Variants in EDNRB observed in about 807,000 individuals in gnomAD.
EDNRB encodes the protein endothelin receptor type B.
Under a neutral mutation model 46.4 loss-of-function variants are expected in EDNRB, and 18 were observed. The ratio of observed to expected loss-of-function variants is 0.39; its 90% CI spans 0.27 to 0.57. The LOEUF (loss-of-function observed/expected upper bound fraction) is 0.57, where lower values mean the gene tolerates loss of function less well. Among genes scored for constraint, EDNRB ranks in the 20% least tolerant of loss-of-function variants. The probability of loss-of-function intolerance (pLI) is 0.61; values close to 1 mark genes in which losing one functional copy is unlikely to be tolerated. For missense variants in EDNRB, 434 were observed against 537.5 expected, an observed-to-expected ratio of 0.81 and a Z score of 1.90; for synonymous variants, 213 against 204.9, an observed-to-expected ratio of 1.04 and a Z score of -0.34.
In EDNRB at chr13:77,917,916, T is replaced by G. The variant is rs12720164; in HGVS notation, c.483+175A>C. Reference sequence around the variant, plus strand: ...AATTTTATTCCAATGGTTACTGACTTTTATGAGTGGACAGAACCAAATGGA... The same window carrying G: ...AATTTTATTCCAATGGTTACTGACTGTTATGAGTGGACAGAACCAAATGGA... On this transcript the variant is annotated intron_variant, in intron 1 of 6. Transcript: ENST00000646607. Among the ~76,000 whole-genome samples, 1,957 of 152,156 alleles carry G rather than the reference T, an allele frequency of 0.013. 41 individuals carry two copies. The highest frequency in any genetic ancestry group is 0.017 in the Non-Finnish European group (1,139 of 67,994).
chr13:77,964,315 T>G (rs887581196), intron 1 of EDNRB, among the ~76,000 whole-genome samples: 1 of 152,158 alleles, frequency 6.6e-6, no homozygotes, highest in Non-Finnish European at 1.5e-5. Context: ...TAAAGACACA[T>G]GCTATAAAGA....
chr13:77,954,645 T>C (rs956845950), intron 1 of EDNRB, among the ~76,000 whole-genome samples: 2 of 152,008 alleles, frequency 1.3e-5, no homozygotes, highest in Admixed American at 1.3e-4. Context: ...TAGCTGGGAC[T>C]ACATGCATGT....
chr13:77,965,016 A>G (rs1881541247), intron 1 of EDNRB, among the ~76,000 whole-genome samples: 1 of 152,206 alleles, frequency 6.6e-6, no homozygotes, highest in Non-Finnish European at 1.5e-5. Flanking sequence ...TTATGTAAGC[A>G]TCATTTATAC....
chr13:77,925,565 G>A (rs1181786776), intron 1 of EDNRB, among the ~76,000 whole-genome samples: 2 of 152,230 alleles, frequency 1.3e-5, no homozygotes, highest in Non-Finnish European at 2.9e-5. Context: ...GAGCCTGCAG[G>A]TGCACAGAAG....
In EDNRB at chr13:77,898,011, C is replaced by T; in HGVS notation, c.*189G>A. The T allele has an allele frequency of 7.2e-7, 1 of 1,384,610 alleles. No individual in the cohort carries two copies. The highest frequency in any genetic ancestry group is 9.3e-7 in the Non-Finnish European group (1 of 1,070,106). 85.8% of individuals were successfully genotyped at this position (1,384,610 alleles called of 1,614,324 possible). A position where few individuals can be genotyped will look rare whatever the true frequency, so the allele number is the denominator to read the frequency against. On this transcript the variant is annotated 3_prime_UTR_variant, in exon 7 of 7. Transcript: ENST00000646607. ...GGCTTTCTTAATTCCCACTGATTTT[C>T]TTTCCATGCCGTAAACAGCTCATAA...
At chr13:77,971,176 C>T (rs1457779797) in intron 1 of EDNRB, among the ~76,000 whole-genome samples, 1 of 152,174 alleles carries the variant, frequency 6.6e-6, no homozygotes, top group Non-Finnish European at 1.5e-5. Context: ...TCTCTGATAC[C>T]AGAAGCAAGG....
intron 1 of EDNRB, among the ~76,000 whole-genome samples, chr13:77,974,943 G>A (rs1467907844): frequency 6.6e-6 from 1 of 152,056 alleles, no homozygotes. Context: ...CCTGACCCAT[G>A]CTTCTTTGAG....
intron 1 of EDNRB, among the ~76,000 whole-genome samples, chr13:77,964,549 G>T (rs1881523878): frequency 6.6e-6 from 1 of 152,126 alleles, no homozygotes; most frequent in Non-Finnish European, 1.5e-5. Context: ...AACACCGCAT[G>T]TTCTCACTCA....
At chr13:77,971,582 AG>A (rs1193567755) in intron 1 of EDNRB, among the ~76,000 whole-genome samples, 2 of 127,178 alleles carry the variant, frequency 1.6e-5, no homozygotes, top group South Asian at 2.5e-4. Flanking sequence ...GGCCAACATG[AG>A]TTTTTTTTTT....
At position 77,963,254 on chromosome 13, in the gene EDNRB, A is replaced by T. The variant is rs867707309; in HGVS notation, c.-52+12093T>A. ...AACCTACCAATGACTTTCTTCACAG[A>T]ATTGGAAAAAACTACTTTAAAGTTC... On this transcript the variant is annotated intron_variant, in intron 1 of 7. Transcript: ENST00000646948. Among the ~76,000 whole-genome samples the T allele has an allele frequency of 1.4e-4, 21 of 152,352 alleles. No individual in the cohort carries two copies. The Middle Eastern group carries it at 0.02, about 148-fold the overall frequency.
intron 1 of EDNRB, among the ~76,000 whole-genome samples, chr13:77,949,140 T>C (rs1024660908): frequency 3.9e-5 from 6 of 152,316 alleles, no homozygotes; most frequent in African/African-American, 1.4e-4. Flanking sequence ...GTCTATGATA[T>C]TACAGAATAT....
chr13:77,913,438 A>T (rs1879670836), intron 1 of EDNRB, among the ~76,000 whole-genome samples: 1 of 152,072 alleles, frequency 6.6e-6, no homozygotes, highest in Non-Finnish European at 1.5e-5. Flanking sequence ...TGGACACCTG[A>T]TTACCTTTGG....
At chr13:77,958,237 G>A (rs139161221) in intron 1 of EDNRB, among the ~76,000 whole-genome samples, 2,180 of 152,280 alleles carry the variant, frequency 0.014, 46 homozygotes, top group East Asian at 0.024. Flanking sequence ...ACACCCACAG[G>A]TGATTCTGAT....
upstream of EDNRB, among the ~76,000 whole-genome samples, chr13:77,922,108 T>A (rs1212555715): frequency 6.6e-6 from 1 of 151,994 alleles, no homozygotes; most frequent in Non-Finnish European, 1.5e-5. Flanking sequence ...GAACTAATTT[T>A]GCATTTATGA....
chr13:77,906,177 G>C (rs897608152), intron 1 of EDNRB, among the ~76,000 whole-genome samples: 1 of 151,928 alleles, frequency 6.6e-6, no homozygotes, highest in Non-Finnish European at 1.5e-5. Context: ...ACTCACAGAG[G>C]TTTACCATGT....
At chr13:77,922,953 C>T (rs1371091101), upstream of EDNRB, among the ~76,000 whole-genome samples, 2 of 152,160 alleles carry the variant, frequency 1.3e-5, no homozygotes, top group African/African-American at 4.8e-5. Context: ...TTATCTGATA[C>T]ATCTTATCAG....
intron 1 of EDNRB, among the ~76,000 whole-genome samples, chr13:77,938,970 GCAC>G (rs1421885493): frequency 6.6e-6 from 1 of 152,206 alleles, no homozygotes; most frequent in African/African-American, 2.4e-5. Flanking sequence ...CTGAGTCACA[GCAC>G]CAAATTTCAT....
intron 1 of EDNRB, among the ~76,000 whole-genome samples, chr13:77,962,406 A>G (rs960639462): frequency 1.3e-5 from 2 of 152,230 alleles, no homozygotes; most frequent in African/African-American, 4.8e-5. Flanking sequence ...AAGCGAATCC[A>G]GCAGCACATG....
intron 6 of EDNRB, among the ~76,000 whole-genome samples, chr13:77,899,282 A>T (rs1348727504): frequency 6.6e-6 from 1 of 151,942 alleles, no homozygotes; most frequent in Non-Finnish European, 1.5e-5. Flanking sequence ...ATTTTATTTC[A>T]TGTTAGATTG....
Sources: allele counts gnomAD v4.1 joint callset (sites outside exome capture counted in the v4.1 genomes callset), GRCh38; gene constraint gnomAD v4.1.1; transcripts MANE v1.5; gene names NCBI Gene and HGNC (gene_info 2026-07-23, HGNC 2026-07-21).